Variants in ANKFN1 observed in about 807,000 individuals in gnomAD.
The protein encoded by ANKFN1 is ankyrin repeat and fibronectin type III domain containing 1.
A neutral mutation model predicts 108.7 loss-of-function variants in ANKFN1; 74 were observed. The observed-to-expected ratio is 0.68, with a 90% CI of 0.56 to 0.83. ANKFN1 has a LOEUF of 0.83. Ranked by LOEUF, ANKFN1 falls within the 40% of genes least tolerant of loss-of-function variation. The pLI is 0.00. For missense variants in ANKFN1, 1,505 were observed against 1,382.3 expected (o/e 1.09, Z -1.41); for synonymous variants, 547 against 516.2 (o/e 1.06, Z -0.81).
At chr17:56,339,962 A>G (rs945745323) in intron 4 of ANKFN1, among the ~76,000 whole-genome samples, 72 of 152,266 alleles carry the variant, frequency 4.7e-4, no homozygotes, top group African/African-American at 1.4e-3. Flanking sequence ...ACTTGCCAGC[A>G]ACTGTTATGT....
At chr17:56,297,918 T>C (rs1377839596) in intron 3 of ANKFN1, among the ~76,000 whole-genome samples, 3 of 152,162 alleles carry the variant, frequency 2.0e-5, no homozygotes, top group Non-Finnish European at 4.4e-5. Context: ...GAAAATATAC[T>C]TTTATGTAAT....
chr17:56,293,105 A>T (rs1412756313), intron 3 of ANKFN1, among the ~76,000 whole-genome samples: 1 of 152,232 alleles, frequency 6.6e-6, no homozygotes, highest in African/African-American at 2.4e-5. Context: ...GTACTGTCTT[A>T]GCTACTGGGT....
At chr17:56,098,135 A>G (rs990976085) in intron 4 of ANKFN1, among the ~76,000 whole-genome samples, 24 of 152,150 alleles carry the variant, frequency 1.6e-4, no homozygotes, top group Non-Finnish European at 1.5e-5. Flanking sequence ...TCACAAGTCA[A>G]AGAATTGCTG....
chr17:56,449,392 C>T (rs995551759), intron 11 of ANKFN1, among the ~76,000 whole-genome samples: 3 of 152,012 alleles, frequency 2.0e-5, no homozygotes, highest in African/African-American at 7.3e-5. Context: ...TTTCCCTCTC[C>T]CTCTCTCCAT....
intron 1 of ANKFN1, among the ~76,000 whole-genome samples, chr17:56,194,394 G>A (rs1913301733): frequency 6.6e-6 from 1 of 152,144 alleles, no homozygotes; most frequent in Non-Finnish European, 1.5e-5. Context: ...TGGAAAAACT[G>A]TGGTACATCA....
At chr17:56,104,448 G>A (rs888625111) in intron 4 of ANKFN1, among the ~76,000 whole-genome samples, 2 of 152,240 alleles carry the variant, frequency 1.3e-5, no homozygotes, top group African/African-American at 4.8e-5. Flanking sequence ...GAGAAAGTTA[G>A]TCATGGAACC....
At chr17:56,234,190 T>TTAG (rs1916943206) in intron 3 of ANKFN1, among the ~76,000 whole-genome samples, 2 of 152,138 alleles carry the variant, frequency 1.3e-5, no homozygotes, top group African/African-American at 4.8e-5. Context: ...TGTCACTAAA[T>TTAG]GTGTAATTAG....
Position 56,511,486 on chromosome 17 carries a change from A to T in ANKFN1, c.*217A>T. On this transcript the variant is annotated 3_prime_UTR_variant, in exon 21 of 21. Transcript: ENST00000682825. ...ATTCCCACTTCAGCCTAGAAAGGGCATGGGGGAGTTGTGTCAACATGGAAT... is the reference window on the plus strand; with the variant it reads ...ATTCCCACTTCAGCCTAGAAAGGGCTTGGGGGAGTTGTGTCAACATGGAAT... 1.7e-6 allele frequency: 1 copy of T among 571,724 alleles called. No individual in the cohort carries two copies. Among genetic ancestry groups the T allele is most frequent in the Non-Finnish European group, 3.0e-6 (1 of 328,172 alleles). The allele number at this position is 571,724 out of a possible 1,614,324, so 35.4% of individuals were successfully genotyped here.
chr17:56,146,865 G>A (rs1206173090), intron 4 of ANKFN1, among the ~76,000 whole-genome samples: 1 of 152,206 alleles, frequency 6.6e-6, no homozygotes, highest in Non-Finnish European at 1.5e-5. Context: ...TCTACAACCA[G>A]CTTGAATTTC....
chr17:56,196,324 A>G (rs1383459766), intron 1 of ANKFN1, among the ~76,000 whole-genome samples: 4 of 152,196 alleles, frequency 2.6e-5, no homozygotes, highest in Non-Finnish European at 5.9e-5. Flanking sequence ...ATGTAGATAT[A>G]AAGAATTATT....
chr17:56,411,629 G>A (rs1459428161), intron 8 of ANKFN1, among the ~76,000 whole-genome samples: 1 of 152,266 alleles, frequency 6.6e-6, no homozygotes, highest in South Asian at 2.1e-4. Flanking sequence ...TCGGCTTGTT[G>A]TGTATGGTCT....
chr17:56,242,508 T>C (rs1917661620), intron 3 of ANKFN1, among the ~76,000 whole-genome samples: 1 of 152,112 alleles, frequency 6.6e-6, no homozygotes, highest in South Asian at 2.1e-4. Flanking sequence ...AGGAATACAA[T>C]TGATTTTCAT....
intron 8 of ANKFN1, among the ~76,000 whole-genome samples, chr17:56,420,419 T>G (rs977810960): frequency 6.6e-6 from 1 of 152,214 alleles, no homozygotes; most frequent in Non-Finnish European, 1.5e-5. Context: ...GTTGGCAAAC[T>G]ATTTCTTTTG....
rs1361307404 is a variant in ANKFN1 at position 56,170,807 on chromosome 17, T to TATATATATACAC, written c.-71+17278_-71+17279insTATATATACACA. 3.0e-3 allele frequency among the ~76,000 whole-genome samples: 185 copies of TATATATATACAC among 61,406 alleles called. 1 individual carries two copies. Among genetic ancestry groups the TATATATATACAC allele is most frequent in the Admixed American group, 0.011 (51 of 4,786 alleles). The allele number at this position is 61,406 out of a possible 152,430, so 40.3% of individuals were successfully genotyped here. ...ATATATATATATATATATATATATA[T>TATATATATACAC]ACACACACACACACACACACACACA... is the stretch of plus-strand genomic sequence containing the variant. On this transcript the variant is annotated intron_variant, in intron 1 of 20. Transcript: ENST00000682825.
intron 1 of ANKFN1, among the ~76,000 whole-genome samples, chr17:56,164,512 G>T (rs905887226): frequency 1.3e-5 from 2 of 152,140 alleles, no homozygotes; most frequent in African/African-American, 4.8e-5. Flanking sequence ...GCTGGCACAT[G>T]ATTAATGTTT....
At chr17:56,310,810 G>A (rs1183993098) in intron 3 of ANKFN1, among the ~76,000 whole-genome samples, 2 of 150,892 alleles carry the variant, frequency 1.3e-5, no homozygotes, top group African/African-American at 4.9e-5. Context: ...CAAATTTCAA[G>A]TGTACAATTC....
At chr17:56,183,340 T>A (rs924196302) in intron 1 of ANKFN1, among the ~76,000 whole-genome samples, 1 of 152,258 alleles carries the variant, frequency 6.6e-6, no homozygotes, top group East Asian at 1.9e-4. Context: ...TGGAAGAAAG[T>A]CAAAATACCA....
intron 8 of ANKFN1, among the ~76,000 whole-genome samples, chr17:56,396,763 A>G (rs935409884): frequency 1.3e-5 from 2 of 152,112 alleles, no homozygotes; most frequent in African/African-American, 4.8e-5. Context: ...ACCTAAGGCA[A>G]AGACAAGAAC....
In ANKFN1 at chr17:56,320,906, C is replaced by T. The variant is rs146244629; in HGVS notation, c.54-5315C>T. On this transcript the variant is annotated intron_variant, in intron 3 of 20. Transcript: ENST00000682825. Reference sequence around the variant, plus strand: ...TCTTTTCGAAGAGTCTTTTTGAATGCAATGTGTCTCGTCTCCAAGACTTAG... The same window carrying T: ...TCTTTTCGAAGAGTCTTTTTGAATGTAATGTGTCTCGTCTCCAAGACTTAG... Among the ~76,000 whole-genome samples the T allele has an allele frequency of 1.7e-3, 261 of 152,154 alleles. 1 individual carries two copies. Among genetic ancestry groups the T allele is most frequent in the African/African-American group, 6.0e-3 (250 of 41,518 alleles).
Sources: allele counts gnomAD v4.1 joint callset (sites outside exome capture counted in the v4.1 genomes callset), GRCh38; gene constraint gnomAD v4.1.1; transcripts MANE v1.5; gene names NCBI Gene and HGNC (gene_info 2026-07-23, HGNC 2026-07-21).